Variants in RBBP8 observed in about 807,000 individuals in gnomAD.
RBBP8 encodes the protein RB binding protein 8, endonuclease, also known as DNA endonuclease RBBP8.
In RBBP8, 88 loss-of-function variants were observed where a neutral mutation model predicts 108.3. The ratio of observed to expected loss-of-function variants is 0.81; its 90% confidence interval spans 0.68 to 0.97. The LOEUF (loss-of-function observed/expected upper bound fraction) is 0.97. Among genes scored for constraint, RBBP8 ranks in the 50% least tolerant of loss-of-function variants. The probability of loss-of-function intolerance (pLI) is 0.00; values close to 1 mark genes in which losing one functional copy is unlikely to be tolerated. For synonymous variants in RBBP8, 332 were observed against 348.2 expected (o/e 0.95, Z 0.52); for missense variants, 1,023 against 1,049.0 (o/e 0.98, Z 0.34).
At chr18:22,944,927 GT>G (rs1346497201) in intron 2 of RBBP8, among the ~76,000 whole-genome samples, 2 of 152,100 alleles carry the variant, frequency 1.3e-5, no homozygotes, top group African/African-American at 4.8e-5. Flanking sequence ...TCTAAATTAT[GT>G]TGTCCAAAAG....
chr18:22,968,218 G>A (rs931911882), intron 4 of RBBP8, among the ~76,000 whole-genome samples: 9 of 151,754 alleles, frequency 5.9e-5, no homozygotes, highest in Admixed American at 5.9e-4. Flanking sequence ...GACTACAAGC[G>A]AGCACCACCA....
intron 3 of RBBP8, among the ~76,000 whole-genome samples, chr18:22,921,151 G>C (rs994103165): frequency 6.6e-6 from 1 of 152,162 alleles, no homozygotes; most frequent in Non-Finnish European, 1.5e-5. Context: ...TGGCTTATGT[G>C]CGAGTTCTTT....
In RBBP8 at chr18:22,992,749, T is replaced by C. The variant is rs1271037098; in HGVS notation, c.922T>C (p.Phe308Leu). 4 of 1,579,270 alleles carry C rather than the reference T, an allele frequency of 2.5e-6. No individual in the cohort carries two copies. Among genetic ancestry groups the C allele is most frequent in the Non-Finnish European group, 3.5e-6 (4 of 1,148,780 alleles). The change falls in exon 11 of 19, where the codon TTT becomes CTT. Residue 308 changes from phenylalanine (F) to leucine (L), a missense_variant and splice_region_variant. Physicochemically the swap from Phe to Leu is conservative, Grantham distance 22. Transcript: ENST00000327155. The stretch of plus-strand genomic sequence containing the variant: ...GAATTGTTATCACTCTTTATTTAGA[T>C]TTTCAGATTCTACTTCAAAGACTCC... ...STRNTEDSLR[F>L]SDSTSKTPPQ...
chr18:23,016,675 G>T, intron 16 of RBBP8, 153 bp from the exon 17 acceptor site: 1 of 659,446 alleles, frequency 1.5e-6, no homozygotes, highest in Non-Finnish European at 2.7e-6. Context: ...AAAATACTTG[G>T]TGTATATATA....
At chr18:22,971,647 T>C (rs2144605653) in intron 5 of RBBP8, among the ~76,000 whole-genome samples, 1 of 144,888 alleles carries the variant, frequency 6.9e-6, no homozygotes, top group South Asian at 2.3e-4. Context: ...ATTTCTTTTT[T>C]TTTTTTTTTT....
In RBBP8 at chr18:23,022,215, A is replaced by G. The variant is rs778880823; in HGVS notation, c.2541A>G (p.Thr847=). 1.2e-6 allele frequency: 2 copies of G among 1,612,530 alleles called. No homozygotes were observed. The highest frequency in any genetic ancestry group is 2.2e-5 in the East Asian group (1 of 44,876). The change falls in exon 18 of 19, where the codon ACA becomes ACG. Residue 847 remains threonine, a synonymous_variant. Transcript: ENST00000327155. ...RHRFRYIPPN[T]PENFWEVGFP... ...GATTCCGCTACATTCCACCCAACAC[A>G]CCAGAGAATTTTTGGGAAGTTGGTT...
At chr18:22,948,072 A>T (rs1227962712) in intron 3 of RBBP8, among the ~76,000 whole-genome samples, 2 of 152,134 alleles carry the variant, frequency 1.3e-5, no homozygotes, top group Non-Finnish European at 2.9e-5. Context: ...GTGAAAATGT[A>T]TATGTGTGTA....
At chr18:22,959,699 G>A (rs989293225) in intron 4 of RBBP8, among the ~76,000 whole-genome samples, 1 of 150,888 alleles carries the variant, frequency 6.6e-6, no homozygotes, top group Admixed American at 6.6e-5. Context: ...TTTATTATTT[G>A]TTGATTGTTG....
chr18:22,976,590 A>T (rs1348623905), intron 6 of RBBP8, among the ~76,000 whole-genome samples: 2 of 152,106 alleles, frequency 1.3e-5, no homozygotes, highest in Admixed American at 6.5e-5. Flanking sequence ...TGGAGCTGTT[A>T]TGTAATTATG....
intron 3 of RBBP8, among the ~76,000 whole-genome samples, chr18:22,948,769 C>T (rs1268506958): frequency 6.6e-6 from 1 of 152,132 alleles, no homozygotes; most frequent in Admixed American, 6.5e-5. Flanking sequence ...GTGTTTGAAT[C>T]ATAGTATTAC....
At chr18:22,925,110 TCCTCCCA>T (rs1330127250) in intron 3 of RBBP8, among the ~76,000 whole-genome samples, 19 of 152,076 alleles carry the variant, frequency 1.2e-4, no homozygotes, top group African/African-American at 4.6e-4. Context: ...TCTCAAGCAA[TCCTCCCA>T]CCTAGACTTC....
chr18:23,006,064 T>C (rs915103791), intron 15 of RBBP8, among the ~76,000 whole-genome samples: 7 of 151,816 alleles, frequency 4.6e-5, no homozygotes, highest in African/African-American at 1.7e-4. Context: ...TGGGCGCCTG[T>C]AGTCCCAACT....
rs1915852485 is a variant in RBBP8 at position 22,993,516 on chromosome 18, C to G, written c.1689C>G (p.Pro563=). The G allele has an allele frequency of 6.2e-7, 1 of 1,613,402 alleles. No individual in the cohort carries two copies. Among genetic ancestry groups the G allele is most frequent in the Non-Finnish European group, 8.5e-7 (1 of 1,179,834 alleles). ...CACAGGAATGCATCATCCTTCAGCC[C>G]TTGAATAAATGCTCTCCAGACAATA... ...PCSQECIILQ[P]LNKCSPDNKP... Residue 563 remains proline (P), a synonymous_variant, in exon 11 of 19, where the codon CCC becomes CCG. Coordinates refer to ENST00000327155, the MANE Select transcript of RBBP8 (RefSeq NM_002894.3).
intron 14 of RBBP8, among the ~76,000 whole-genome samples, chr18:22,998,293 A>G (rs941515392): frequency 1.3e-5 from 2 of 152,188 alleles, no homozygotes; most frequent in Non-Finnish European, 2.9e-5. Flanking sequence ...TTACAGGTTA[A>G]CATTCAGAAT....
At chr18:22,979,949 CAATA>C (rs2144643884) in intron 6 of RBBP8, among the ~76,000 whole-genome samples, 1 of 152,224 alleles carries the variant, frequency 6.6e-6, no homozygotes, top group Non-Finnish European at 1.5e-5. Flanking sequence ...GCAATAGATA[CAATA>C]AATAAATTGC....
intron 12 of RBBP8, 148 bp from the exon 13 acceptor site, chr18:22,996,226 G>A: frequency 7.7e-7 from 1 of 1,304,870 alleles, no homozygotes; most frequent in Non-Finnish European, 1.0e-6. Context: ...ATGGAGCTGT[G>A]AGAGTTCTTT....
chr18:22,919,344 AC>A (rs1909490918), intron 3 of RBBP8, among the ~76,000 whole-genome samples: 1 of 152,230 alleles, frequency 6.6e-6, no homozygotes, highest in South Asian at 2.1e-4. Flanking sequence ...CATTTATAAC[AC>A]AAACTGATCT....
chr18:22,924,729 A>G (rs1306156008), intron 3 of RBBP8, among the ~76,000 whole-genome samples: 3 of 152,120 alleles, frequency 2.0e-5, no homozygotes, highest in Non-Finnish European at 4.4e-5. Context: ...GGCTCTGACC[A>G]TATGGTTTAC....
chr18:22,985,123 T>G, intron 8 of RBBP8, 133 bp downstream of exon 8: 1 of 1,211,030 alleles, frequency 8.3e-7, no homozygotes, highest in Non-Finnish European at 1.1e-6. Flanking sequence ...ACTAGTTTAC[T>G]ATCTTTTTCA....
Sources: allele counts gnomAD v4.1 joint callset (sites outside exome capture counted in the v4.1 genomes callset), GRCh38; gene constraint gnomAD v4.1.1; transcripts MANE v1.5; gene names NCBI Gene and HGNC (gene_info 2026-07-23, HGNC 2026-07-21).